The following SYNPR variants were observed in gnomAD, a reference collection of about 807,000 sequenced individuals.
SYNPR encodes synaptoporin.
In SYNPR, 23 loss-of-function variants were observed where a neutral mutation model predicts 32.9. The observed-to-expected ratio is 0.70, with a 90% confidence interval of 0.50 to 0.99. The LOEUF (loss-of-function observed/expected upper bound fraction) is 0.99. Among genes scored for constraint, SYNPR ranks in the 50% least tolerant of loss-of-function variants. The pLI is 0.00. For synonymous variants in SYNPR, 146 were observed against 135.9 expected (o/e 1.07, Z -0.52); for missense variants, 318 against 349.3 (o/e 0.91, Z 0.71).
At chr3:63,558,264 T>G (rs1702626354) in intron 4 of SYNPR, among the ~76,000 whole-genome samples, 1 of 152,254 alleles carries the variant, frequency 6.6e-6, no homozygotes, top group African/African-American at 2.4e-5. Flanking sequence ...GTCTCAGGTA[T>G]TGTGTTATAG....
chr3:63,251,731 G>C (rs2086333064), intron 1 of SYNPR, among the ~76,000 whole-genome samples: 1 of 151,988 alleles, frequency 6.6e-6, no homozygotes, highest in Non-Finnish European at 1.5e-5. Flanking sequence ...CCGAGGACCA[G>C]ATAGGACAAT....
chr3:63,207,775 AT>A, the SYNPR span, among the ~76,000 whole-genome samples: 6 of 152,098 alleles, frequency 3.9e-5, no homozygotes, highest in Non-Finnish European at 7.4e-5. Flanking sequence ...CATCTGCTGC[AT>A]TTTTTTAAAA....
chr3:63,544,096 T>A (rs1702355759), intron 3 of SYNPR, among the ~76,000 whole-genome samples: 1 of 152,038 alleles, frequency 6.6e-6, no homozygotes, highest in Admixed American at 6.6e-5. Context: ...AGGAGTGGCA[T>A]GCTCTGATTT....
chr3:63,203,399 T>A, the SYNPR span: 2 of 152,190 alleles, frequency 1.3e-5, no homozygotes, highest in Non-Finnish European at 2.9e-5. Flanking sequence ...CTATGTTGCA[T>A]TTAACATGGA....
chr3:63,229,830 C>T (rs374165346), intron 1 of SYNPR, among the ~76,000 whole-genome samples: 1 of 90,412 alleles, frequency 1.1e-5, no homozygotes, highest in Non-Finnish European at 2.4e-5. Context: ...TTGGCCATTA[C>T]TTTTAATGGT....
Position 63,520,895 on chromosome 3 carries a change from A to G in SYNPR, c.210-35648A>G, listed in dbSNP as rs572262839. 2.0e-5 allele frequency among the ~76,000 whole-genome samples: 3 copies of G among 150,752 alleles called. No homozygotes were observed. The South Asian group carries it at 6.4e-4, about 32-fold the overall frequency. ...CTCTAGGGAGTGAGAGTCTAGCTTG[A>G]CTAGAGATGTCCATTGTGCCTCTTT... is the stretch of plus-strand genomic sequence containing the variant. On this transcript the variant is annotated intron_variant, in intron 3 of 5. Transcript: ENST00000478300.
intron 4 of SYNPR, among the ~76,000 whole-genome samples, chr3:63,595,877 TTA>T (rs1231634133): frequency 0.042 from 3,255 of 78,138 alleles, 156 homozygotes; most frequent in Non-Finnish European, 0.054. Context: ...ATATATAATT[TTA>T]TATATATATA....
chr3:63,373,088 T>C (rs1185720452), intron 2 of SYNPR, among the ~76,000 whole-genome samples: 3 of 151,874 alleles, frequency 2.0e-5, no homozygotes, highest in Non-Finnish European at 4.4e-5. Context: ...GCTACTCAAA[T>C]TACACCATAG....
chr3:63,587,767 T>A (rs988449444), intron 4 of SYNPR, among the ~76,000 whole-genome samples: 2 of 152,064 alleles, frequency 1.3e-5, no homozygotes, highest in Non-Finnish European at 2.9e-5. Context: ...ATCCTTGAGG[T>A]AATTGTTGGA....
upstream of SYNPR, among the ~76,000 whole-genome samples, chr3:63,274,256 A>G (rs569900658): frequency 6.6e-6 from 1 of 152,358 alleles, no homozygotes; most frequent in South Asian, 2.1e-4. Flanking sequence ...ATATTTTCCT[A>G]TGAGAACAAG....
At chr3:63,488,874 G>T (rs1318086755) in intron 3 of SYNPR, among the ~76,000 whole-genome samples, 2 of 152,072 alleles carry the variant, frequency 1.3e-5, no homozygotes, top group Non-Finnish European at 2.9e-5. Flanking sequence ...CATGAAAAGG[G>T]TTAAATGAAA....
intron 2 of SYNPR, chr3:63,443,313 T>C: frequency 6.7e-7 from 1 of 1,493,516 alleles, no homozygotes; most frequent in East Asian, 2.5e-5. Context: ...ATTGATTTTC[T>C]TCTTCTCCTC....
chr3:63,211,551 T>C, the SYNPR span, among the ~76,000 whole-genome samples: 1 of 152,176 alleles, frequency 6.6e-6, no homozygotes. Context: ...TCTCCTCTAG[T>C]TTCCATCTGC....
At chr3:63,583,795 C>T (rs567792965) in intron 4 of SYNPR, among the ~76,000 whole-genome samples, 98 of 152,206 alleles carry the variant, frequency 6.4e-4, no homozygotes, top group South Asian at 2.5e-3. Flanking sequence ...TATTATATTA[C>T]CCTTTTCCCA....
At chr3:63,200,779 T>G in the SYNPR span, among the ~76,000 whole-genome samples, 85 of 152,290 alleles carry the variant, frequency 5.6e-4, no homozygotes, top group Admixed American at 1.4e-3. Flanking sequence ...GATACTATCA[T>G]GAAAGGAGTG....
At chr3:63,218,654 C>T in the SYNPR span, among the ~76,000 whole-genome samples, 1,416 of 152,254 alleles carry the variant, frequency 9.3e-3, 17 homozygotes, top group Middle Eastern at 0.041. Flanking sequence ...CTTCGTGATC[C>T]GTCCCGCCTC....
At chr3:63,325,448 A>G (rs928273872) in intron 2 of SYNPR, among the ~76,000 whole-genome samples, 2 of 152,166 alleles carry the variant, frequency 1.3e-5, no homozygotes. Context: ...TCACTCAGGT[A>G]CAAAATGTAA....
intron 2 of SYNPR, among the ~76,000 whole-genome samples, chr3:63,404,828 T>C (rs1049820389): frequency 6.6e-6 from 1 of 152,168 alleles, no homozygotes; most frequent in Admixed American, 6.6e-5. Flanking sequence ...GCTTCATGTA[T>C]TTAACACGTT....
chr3:63,256,383 G>C (rs143225548), intron 2 of SYNPR, among the ~76,000 whole-genome samples: 2,000 of 152,274 alleles, frequency 0.013, 39 homozygotes, highest in African/African-American at 0.046. Flanking sequence ...TCCAGAGGAA[G>C]GATCAGGCAG....
Sources: allele counts gnomAD v4.1 joint callset (sites outside exome capture counted in the v4.1 genomes callset), GRCh38; gene constraint gnomAD v4.1.1; transcripts MANE v1.5; gene names NCBI Gene and HGNC (gene_info 2026-07-23, HGNC 2026-07-21).